LAMC1: variants seen among roughly 807,000 people sequenced by gnomAD.
LAMC1 encodes laminin subunit gamma-1.
Under a neutral mutation model 173.6 loss-of-function variants are expected in LAMC1, and 38 were observed. The ratio of observed to expected loss-of-function variants is 0.22; its 90% CI spans 0.17 to 0.29. The LOEUF (loss-of-function observed/expected upper bound fraction) is 0.29, where lower values mean the gene tolerates loss of function less well. LAMC1 is among the 10% of genes least tolerant of loss of function. The pLI is 1.00. For missense variants in LAMC1, 1,824 were observed against 2,051.8 expected, an observed-to-expected ratio of 0.89 and a Z score of 2.14; for synonymous variants, 746 against 749.1, an observed-to-expected ratio of 1.00 and a Z score of 0.07.
At chr1:183,087,385 G>A (rs965099380) in intron 1 of LAMC1, among the ~76,000 whole-genome samples, 17 of 152,084 alleles carry the variant, frequency 1.1e-4, no homozygotes, top group Non-Finnish European at 1.8e-4. Flanking sequence ...GGATGAGTCC[G>A]GGCCCTCAAA....
chr1:183,084,673 G>A (rs59520954), intron 1 of LAMC1, among the ~76,000 whole-genome samples: 17,826 of 152,102 alleles, frequency 0.12, 1,175 homozygotes, highest in Admixed American at 0.2. Flanking sequence ...CATTATATTA[G>A]GCATATATTG....
Position 183,114,580 on chromosome 1 carries a change from C to G in LAMC1, c.1071C>G (p.Leu357=). 6.2e-7 allele frequency: 1 copy of G among 1,614,238 alleles called. No homozygotes were observed. Among genetic ancestry groups the G allele is most frequent in the South Asian group, 1.1e-5 (1 of 91,090 alleles). ...AGGAATGCTACTTCGACCCTGAACTCTATCGTTCCACTGGCCATGGGGGCC... is the reference window on the plus strand; with the variant it reads ...AGGAATGCTACTTCGACCCTGAACTGTATCGTTCCACTGGCCATGGGGGCC... ...RSQECYFDPE[L]YRSTGHGGHC... Residue 357 remains leucine, a synonymous_variant, in exon 5 of 28, where the codon CTC becomes CTG. Transcript: ENST00000258341.
intron 19 of LAMC1, 21 bp downstream of exon 19, chr1:183,130,570 G>A (rs1478599439): frequency 6.2e-7 from 1 of 1,605,922 alleles, no homozygotes. Context: ...GCAAACGTCT[G>A]AGGTGGGGAT....
intron 3 of LAMC1, among the ~76,000 whole-genome samples, chr1:183,110,229 T>C (rs1428539254): frequency 6.6e-6 from 1 of 152,200 alleles, no homozygotes; most frequent in Non-Finnish European, 1.5e-5. Context: ...ACTTCAGGAA[T>C]TGATCCTACA....
chr1:183,102,820 T>G (rs542420903), intron 1 of LAMC1, among the ~76,000 whole-genome samples: 35 of 152,224 alleles, frequency 2.3e-4, no homozygotes, highest in Non-Finnish European at 4.4e-4. Context: ...TGTCTGTATC[T>G]TAACTTGGTA....
rs1443316466 is a variant in LAMC1, at chr1:183,135,054, C to T, written c.4012C>T (p.Leu1338Phe). 4 of 1,613,832 alleles carry T rather than the reference C, an allele frequency of 2.5e-6. No individual in the cohort carries two copies. The South Asian group carries it at 3.3e-5, about 13-fold the overall frequency. Residue 1338 changes from leucine (L) to phenylalanine (F), a missense_variant, in exon 24 of 28, where the codon CTC becomes TTC. Transcript: ENST00000258341. Reference sequence around the variant, plus strand: ...CATGTGTTTGCAGACCGCAGACCAACTCCTAGCCCGAGCTGATGCTGCCAA... The same window carrying T: ...CATGTGTTTGCAGACCGCAGACCAATTCCTAGCCCGAGCTGATGCTGCCAA... ...GKTEQQTADQLLARADAAKAL... is the reference protein window; with the variant it reads ...GKTEQQTADQFLARADAAKAL...
In LAMC1 at chr1:183,129,286, C is replaced by T. The variant is rs568738297; in HGVS notation, c.3280+536C>T. Among the ~76,000 whole-genome samples the T allele has an allele frequency of 4.1e-3, 628 of 152,044 alleles. 1 individual carries two copies. Among genetic ancestry groups the T allele is most frequent in the Non-Finnish European group, 7.4e-3 (501 of 67,992 alleles). ...TGTATTTTGAGTAGAGATGGCGGTT[C>T]ACCGTGTTAGCCAGGATGGTCTCGA... On this transcript the variant is annotated intron_variant, in intron 18 of 27. Transcript: ENST00000258341.
At chr1:183,134,895 GACAGC>G in intron 23 of LAMC1, 86 bp downstream of exon 23, 1 of 1,433,046 alleles carries the variant, frequency 7.0e-7, no homozygotes, top group Non-Finnish European at 9.7e-7. Flanking sequence ...TACTTTCAGA[GACAGC>G]AGACCCCAGT....
intron 1 of LAMC1, among the ~76,000 whole-genome samples, chr1:183,024,705 AGCCTTAATTAAGAACCACAAAGCGAT>A (rs574131749): frequency 2.6e-5 from 4 of 152,336 alleles, no homozygotes; most frequent in Admixed American, 1.3e-4. Flanking sequence ...ATAGCTGCTC[AGCCTTAATTAAGAACCACAAAGCGAT>A]TTGACTGCTA....
intron 1 of LAMC1, among the ~76,000 whole-genome samples, chr1:183,084,679 T>C (rs1655380134): frequency 6.6e-6 from 1 of 152,238 alleles, no homozygotes; most frequent in South Asian, 2.1e-4. Flanking sequence ...ATTAGGCATA[T>C]ATTGTATTTA....
At chr1:183,033,442 G>A (rs1653897870) in intron 1 of LAMC1, among the ~76,000 whole-genome samples, 1 of 152,170 alleles carries the variant, frequency 6.6e-6, no homozygotes, top group African/African-American at 2.4e-5. Context: ...GTAAGTCTGT[G>A]GGTTTTGCTG....
intron 1 of LAMC1, among the ~76,000 whole-genome samples, chr1:183,038,293 C>A (rs1461234890): frequency 6.6e-6 from 1 of 152,100 alleles, no homozygotes; most frequent in Non-Finnish European, 1.5e-5. Flanking sequence ...ACCTAAAGTC[C>A]TGGGGTTACA....
intron 1 of LAMC1, among the ~76,000 whole-genome samples, chr1:183,052,751 A>G (rs1012347027): frequency 6.6e-6 from 1 of 152,170 alleles, no homozygotes; most frequent in African/African-American, 2.4e-5. Flanking sequence ...TTATAATAAT[A>G]TATCACTTAG....
chr1:183,038,452 G>C (rs1654041105), intron 1 of LAMC1, among the ~76,000 whole-genome samples: 1 of 152,186 alleles, frequency 6.6e-6, no homozygotes, highest in Non-Finnish European at 1.5e-5. Flanking sequence ...CCTTCTCTCT[G>C]CTGTTTTTTG....
chr1:183,057,075 A>G (rs1350391943), intron 1 of LAMC1, among the ~76,000 whole-genome samples: 1 of 152,222 alleles, frequency 6.6e-6, no homozygotes, highest in East Asian at 1.9e-4. Flanking sequence ...TGGGCTGTTA[A>G]AAAGCTGTAA....
At chr1:183,062,209 A>G (rs1171923694) in intron 1 of LAMC1, among the ~76,000 whole-genome samples, 1 of 152,250 alleles carries the variant, frequency 6.6e-6, no homozygotes, top group Admixed American at 6.5e-5. Context: ...GCAAAATTAA[A>G]AAAGTTCAAA....
intron 1 of LAMC1, among the ~76,000 whole-genome samples, chr1:183,059,222 C>T (rs1654680411): frequency 6.6e-6 from 1 of 152,206 alleles, no homozygotes; most frequent in African/African-American, 2.4e-5. Flanking sequence ...GGAGAAGCTT[C>T]ATTGTTGATG....
At chr1:183,107,725 G>A (rs1656020968) in intron 2 of LAMC1, among the ~76,000 whole-genome samples, 1 of 152,134 alleles carries the variant, frequency 6.6e-6, no homozygotes. Flanking sequence ...AGCTACTCGG[G>A]AGGCTGAGGC....
At position 183,100,573 on chromosome 1, in the gene LAMC1, A is replaced by AGCAT. The variant is rs1655808149; in HGVS notation, c.419-2754_419-2751dup. Among the ~76,000 whole-genome samples the AGCAT allele has an allele frequency of 3.3e-5, 5 of 152,318 alleles. No homozygotes were observed. In the South Asian group the frequency reaches 1.0e-3, roughly 32 times the overall value. On this transcript the variant is annotated intron_variant, in intron 1 of 27. Coordinates refer to ENST00000258341, the MANE Select transcript of LAMC1 (RefSeq NM_002293.4). ...GTCCCTGTTTGCTTAGCTCATTCTAAGCATTCCTCATGTCTTGGATTTAGA... is the reference window on the plus strand; with the variant it reads ...GTCCCTGTTTGCTTAGCTCATTCTAAGCATGCATTCCTCATGTCTTGGATTTAGA...
Sources: gnomAD v4.1 joint callset for allele counts (sites outside exome capture counted in the v4.1 genomes callset) on GRCh38, gnomAD v4.1.1 for gene constraint, MANE v1.5 for transcripts, NCBI Gene and HGNC (gene_info 2026-07-23, HGNC 2026-07-21) for gene names.